Variants in CAST observed in about 807,000 individuals in gnomAD.
CAST encodes the protein calpastatin.
CAST carries 76 observed loss-of-function variants against 119.6 expected under a neutral mutation model. The ratio of observed to expected loss-of-function variants is 0.64; its 90% CI spans 0.53 to 0.77. The LOEUF (loss-of-function observed/expected upper bound fraction) is 0.77. Among genes scored for constraint, CAST ranks in the 30% least tolerant of loss-of-function variants. The pLI is 0.00. For synonymous variants in CAST, 319 were observed against 331.6 expected, an observed-to-expected ratio of 0.96 and a Z score of 0.41; for missense variants, 953 against 946.5, an observed-to-expected ratio of 1.01 and a Z score of -0.09.
At chr5:96,458,911 C>T in the CAST span, among the ~76,000 whole-genome samples, 24 of 152,048 alleles carry the variant, frequency 1.6e-4, no homozygotes, top group African/African-American at 4.4e-4. Flanking sequence ...TGACAGTTTT[C>T]GGCATTCAGC....
At chr5:96,106,752 A>G in the CAST span, among the ~76,000 whole-genome samples, 1,923 of 151,762 alleles carry the variant, frequency 0.013, 21 homozygotes, top group Non-Finnish European at 0.021. Flanking sequence ...CTTGGTGCAG[A>G]GCTGAGTTCA....
intron 16 of CAST, chr5:96,743,496 G>A: frequency 7.6e-7 from 1 of 1,315,816 alleles, no homozygotes; most frequent in Non-Finnish European, 1.0e-6. Flanking sequence ...AGCTCAGGCT[G>A]GGGGTGCTGG....
At chr5:96,127,852 G>T in the CAST span, among the ~76,000 whole-genome samples, 1 of 152,164 alleles carries the variant, frequency 6.6e-6, no homozygotes, top group Admixed American at 6.6e-5. Context: ...TGTTGGTAAT[G>T]ATATGAATTA....
chr5:96,123,460 T>C, the CAST span, among the ~76,000 whole-genome samples: 1 of 152,148 alleles, frequency 6.6e-6, no homozygotes, highest in Non-Finnish European at 1.5e-5. Flanking sequence ...AACAAAATCA[T>C]GATGTGGAAC....
At chr5:96,130,808 T>C in the CAST span, among the ~76,000 whole-genome samples, 3 of 152,218 alleles carry the variant, frequency 2.0e-5, no homozygotes, top group Admixed American at 6.5e-5. Flanking sequence ...TGACCTTATC[T>C]AATAAAAATT....
At chr5:96,363,008 T>A in the CAST span, among the ~76,000 whole-genome samples, 1 of 151,512 alleles carries the variant, frequency 6.6e-6, no homozygotes, top group African/African-American at 2.4e-5. Flanking sequence ...AATTAATTTT[T>A]GTATAAGGTG....
intron 1 of CAST, among the ~76,000 whole-genome samples, chr5:96,669,789 T>G (rs1358028946): frequency 6.6e-6 from 1 of 152,168 alleles, no homozygotes; most frequent in Non-Finnish European, 1.5e-5. Flanking sequence ...GTGGGATGGT[T>G]TGAGGAGCGG....
chr5:96,771,813 A>G (rs1397918467), intron 31 of CAST, 111 bp downstream of exon 31: 4 of 641,522 alleles, frequency 6.2e-6, no homozygotes, highest in African/African-American at 5.6e-5. Flanking sequence ...CTCACTTTAC[A>G]GTATTGGCAT....
intron 1 of CAST, among the ~76,000 whole-genome samples, chr5:96,640,472 TA>T (rs2150203235): frequency 1.3e-5 from 2 of 152,322 alleles, no homozygotes; most frequent in South Asian, 4.1e-4. Context: ...CTCCAGATAG[TA>T]AAACACCTAC....
At chr5:96,309,177 GAC>G in the CAST span, among the ~76,000 whole-genome samples, 5 of 152,166 alleles carry the variant, frequency 3.3e-5, no homozygotes, top group East Asian at 7.7e-4. Context: ...AGTATAGAGA[GAC>G]AGTCTGAGCT....
At chr5:96,682,541 G>A (rs1751563404) in intron 2 of CAST, among the ~76,000 whole-genome samples, 1 of 151,706 alleles carries the variant, frequency 6.6e-6, no homozygotes, top group African/African-American at 2.4e-5. Context: ...CATTTTATGA[G>A]ATCTGTCTTT....
At chr5:96,068,627 G>GTGTGTA in the CAST span, among the ~76,000 whole-genome samples, 1 of 148,882 alleles carries the variant, frequency 6.7e-6, no homozygotes, top group Non-Finnish European at 1.5e-5. Context: ...GTGTGTGTGT[G>GTGTGTA]TATAATATGT....
the CAST span, among the ~76,000 whole-genome samples, chr5:96,037,317 A>G: frequency 6.6e-6 from 1 of 152,158 alleles, no homozygotes; most frequent in Non-Finnish European, 1.5e-5. Flanking sequence ...CTGCTGCCTG[A>G]AAATTCTGTT....
chr5:96,733,771 A>G (rs1313536395), intron 9 of CAST, among the ~76,000 whole-genome samples: 2 of 152,116 alleles, frequency 1.3e-5, no homozygotes. Flanking sequence ...CAGCTACTCA[A>G]GAGGCTGAGG....
chr5:96,056,327 A>G, the CAST span, among the ~76,000 whole-genome samples: 1 of 152,172 alleles, frequency 6.6e-6, no homozygotes, highest in African/African-American at 2.4e-5. Flanking sequence ...TCTTTGGGGT[A>G]ACTAATGACT....
chr5:96,610,885 G>A (rs377311403), intron 1 of CAST, among the ~76,000 whole-genome samples: 1 of 152,042 alleles, frequency 6.6e-6, no homozygotes, highest in African/African-American at 2.4e-5. Flanking sequence ...CATTCAAGCT[G>A]AGAACCAAAT....
chr5:96,124,931 G>T, the CAST span, among the ~76,000 whole-genome samples: 1 of 152,064 alleles, frequency 6.6e-6, no homozygotes, highest in Non-Finnish European at 1.5e-5. Context: ...TTTGATATTT[G>T]AATAGGACAG....
At chr5:96,228,041 ATGTG>A in the CAST span, among the ~76,000 whole-genome samples, 1 of 150,946 alleles carries the variant, frequency 6.6e-6, no homozygotes, top group Non-Finnish European at 1.5e-5. Context: ...GCACATGTGT[ATGTG>A]TGTGTCTGTG....
the CAST span, among the ~76,000 whole-genome samples, chr5:96,290,336 A>G: frequency 6.6e-6 from 1 of 152,232 alleles, no homozygotes; most frequent in Non-Finnish European, 1.5e-5. Flanking sequence ...GAAAAAGTTC[A>G]TTCTCTTTAC....
Sources: allele counts gnomAD v4.1 joint callset (sites outside exome capture counted in the v4.1 genomes callset), GRCh38; gene constraint gnomAD v4.1.1; transcripts MANE v1.5; gene names NCBI Gene and HGNC (gene_info 2026-07-23, HGNC 2026-07-21).